The following CCDC148 variants were observed in gnomAD, a reference collection of about 807,000 sequenced individuals.
CCDC148 encodes the protein coiled-coil domain-containing protein 148.
Under a neutral mutation model 85.7 loss-of-function variants are expected in CCDC148, and 89 were observed. The observed-to-expected ratio is 1.04, with a 90% CI of 0.87 to 1.24. The LOEUF (loss-of-function observed/expected upper bound fraction) is 1.24. Among genes scored for constraint, CCDC148 ranks in the 50% most tolerant of loss-of-function variants. CCDC148 has a pLI of 0.00. For synonymous variants in CCDC148, 230 were observed against 213.9 expected, an observed-to-expected ratio of 1.08 and a Z score of -0.66; for missense variants, 692 against 671.7, an observed-to-expected ratio of 1.03 and a Z score of -0.33.
Position 158,284,213 on chromosome 2 carries a change from C to T in CCDC148, c.1110+25220G>A, listed in dbSNP as rs533940223. ...GTGGGTGAAGCGCACCAGCATGTCA[C>T]ATGTATACATACGTAACTAACCTGC... On this transcript the variant is annotated intron_variant, in intron 9 of 13. Coordinates refer to ENST00000283233, the MANE Select transcript of CCDC148 (RefSeq NM_138803.4). Among the ~76,000 whole-genome samples the T allele has an allele frequency of 2.6e-4, 39 of 151,616 alleles. No individual in the cohort carries two copies. In the Middle Eastern group the frequency reaches 0.014, roughly 53 times the overall value.
chr2:158,355,538 C>T (rs1683583474), intron 2 of CCDC148, among the ~76,000 whole-genome samples: 1 of 144,626 alleles, frequency 6.9e-6, no homozygotes, highest in Admixed American at 7.0e-5. Context: ...TGAAGGACCT[C>T]TTCAAGGAGA....
intron 7 of CCDC148, among the ~76,000 whole-genome samples, chr2:158,331,221 G>T (rs1405928961): frequency 6.6e-6 from 1 of 152,078 alleles, no homozygotes; most frequent in East Asian, 1.9e-4. Context: ...TGTTCTCATT[G>T]GTTTCAAAGA....
intron 10 of CCDC148, among the ~76,000 whole-genome samples, chr2:158,247,519 G>T (rs1688615397): frequency 6.6e-6 from 1 of 152,112 alleles, no homozygotes; most frequent in Non-Finnish European, 1.5e-5. Flanking sequence ...AACCACCAAA[G>T]AGAATGGATA....
At chr2:158,332,209 C>CA (rs1693170027) in intron 7 of CCDC148, among the ~76,000 whole-genome samples, 1 of 152,124 alleles carries the variant, frequency 6.6e-6, no homozygotes, top group East Asian at 1.9e-4. Flanking sequence ...GTGGTGGTGA[C>CA]AAAATCTCTC....
intron 9 of CCDC148, among the ~76,000 whole-genome samples, chr2:158,284,648 T>G (rs1481393966): frequency 2.0e-5 from 3 of 152,200 alleles, no homozygotes; most frequent in Non-Finnish European, 2.9e-5. Context: ...CCTGGACTTT[T>G]AATGCTTTCA....
chr2:158,454,264 G>T (rs771433496), intron 1 of CCDC148, among the ~76,000 whole-genome samples: 5 of 152,150 alleles, frequency 3.3e-5, no homozygotes, highest in African/African-American at 9.7e-5. Flanking sequence ...ATGGTGGTAG[G>T]GTAGAAGGAA....
intron 11 of CCDC148, among the ~76,000 whole-genome samples, chr2:158,216,788 C>T (rs1233940238): frequency 6.6e-6 from 1 of 152,038 alleles, no homozygotes; most frequent in African/African-American, 2.4e-5. Context: ...AGAAAAAATA[C>T]ATTAGTATTT....
chr2:158,442,456 C>T (rs1368274847), intron 1 of CCDC148, among the ~76,000 whole-genome samples: 1 of 152,156 alleles, frequency 6.6e-6, no homozygotes, highest in Non-Finnish European at 1.5e-5. Context: ...CAAAAAATCA[C>T]GTTTCAAACA....
intron 11 of CCDC148, among the ~76,000 whole-genome samples, chr2:158,199,401 C>A (rs535794904): frequency 6.6e-6 from 1 of 152,068 alleles, no homozygotes; most frequent in Non-Finnish European, 1.5e-5. Context: ...TCCGCCACCA[C>A]CCCTGGCTAA....
intron 1 of CCDC148, among the ~76,000 whole-genome samples, chr2:158,375,253 G>A (rs1173133556): frequency 6.6e-6 from 1 of 151,960 alleles, no homozygotes; most frequent in African/African-American, 2.4e-5. Flanking sequence ...ACCCTGTGAA[G>A]GCCAGCCTGA....
chr2:158,303,948 A>G (rs543862465), intron 9 of CCDC148, among the ~76,000 whole-genome samples: 1 of 152,304 alleles, frequency 6.6e-6, no homozygotes, highest in Non-Finnish European at 1.5e-5. Flanking sequence ...GACACTCAGT[A>G]AAGTATGCTT....
chr2:158,385,446 A>G (rs1318243850), intron 1 of CCDC148, among the ~76,000 whole-genome samples: 1 of 152,180 alleles, frequency 6.6e-6, no homozygotes, highest in African/African-American at 2.4e-5. Context: ...CTATACATGT[A>G]TTAACTGATA....
intron 10 of CCDC148, among the ~76,000 whole-genome samples, chr2:158,223,241 A>G (rs928875816): frequency 6.6e-6 from 1 of 152,212 alleles, no homozygotes; most frequent in African/African-American, 2.4e-5. Flanking sequence ...GTCTTAGATC[A>G]AACTGCAAGG....
intron 9 of CCDC148, among the ~76,000 whole-genome samples, chr2:158,276,810 T>C (rs1484990059): frequency 6.6e-6 from 1 of 152,240 alleles, no homozygotes; most frequent in Non-Finnish European, 1.5e-5. Context: ...AAAAGGCCAC[T>C]TAGGTCAGAC....
In CCDC148 at chr2:158,172,196, G is replaced by C; in HGVS notation, c.1693C>G (p.Leu565Val). 1 of 1,609,914 alleles carries C rather than the reference G, an allele frequency of 6.2e-7. No individual in the cohort carries two copies. Among genetic ancestry groups the C allele is most frequent in the Non-Finnish European group, 8.5e-7 (1 of 1,177,446 alleles). ...TTTGGTAATATCTCTTTAGCATAAAGTGTTCTATGAAGTCCAGCTTCTCGA... is the reference window on the plus strand; with the variant it reads ...TTTGGTAATATCTCTTTAGCATAAACTGTTCTATGAAGTCCAGCTTCTCGA... ...ALREAGLHRT[L>V]YAKEILPKIS... The change falls in exon 14 of 14, where the codon CTT (leucine) becomes GTT (valine). Residue 565 changes from leucine (L) to valine (V), a missense_variant. By Grantham distance (32) the Leu-to-Val change is conservative (BLOSUM62 1). Transcript: ENST00000283233.
Position 158,338,892 on chromosome 2 carries a change from A to G in CCDC148, c.598T>C (p.Leu200=), listed in dbSNP as rs777833058. The part of the protein sequence containing the change: ...DWSIKILDHS[L]EEKTNPLSEL... Reference sequence around the variant, plus strand: ...CTAAGCGGGTTAGTCTTTTCTTCCAAAGAATGATCTAGAATCTGAAAAAAA... The same window carrying G: ...CTAAGCGGGTTAGTCTTTTCTTCCAGAGAATGATCTAGAATCTGAAAAAAA... The change falls in exon 7 of 14, where the codon TTG becomes CTG. Residue 200 remains leucine, a synonymous_variant. Transcript: ENST00000283233. 5 of 1,604,352 alleles carry G rather than the reference A, an allele frequency of 3.1e-6. No homozygotes were observed. In the East Asian group the frequency reaches 1.1e-4, roughly 36 times the overall value.
chr2:158,251,188 T>C (rs1688779020), intron 9 of CCDC148, among the ~76,000 whole-genome samples: 1 of 151,850 alleles, frequency 6.6e-6, no homozygotes, highest in African/African-American at 2.4e-5. Flanking sequence ...CCAAAGAATC[T>C]GTGTATTCTC....
At chr2:158,404,881 A>T (rs1685934736) in intron 1 of CCDC148, among the ~76,000 whole-genome samples, 1 of 152,132 alleles carries the variant, frequency 6.6e-6, no homozygotes, top group Non-Finnish European at 1.5e-5. Context: ...GGAATCAATG[A>T]ACAATTATTT....
chr2:158,438,401 C>T (rs992791350), intron 1 of CCDC148, among the ~76,000 whole-genome samples: 2 of 152,120 alleles, frequency 1.3e-5, no homozygotes, highest in African/African-American at 4.8e-5. Context: ...ATAAATGGTG[C>T]TGCAAAAACT....
Sources: gnomAD v4.1 joint callset for allele counts (sites outside exome capture counted in the v4.1 genomes callset) on GRCh38, gnomAD v4.1.1 for gene constraint, MANE v1.5 for transcripts, NCBI Gene and HGNC (gene_info 2026-07-23, HGNC 2026-07-21) for gene names.